The following MAGEB2 variants were observed in gnomAD, a reference collection of about 807,000 sequenced individuals.
MAGEB2 encodes the protein MAGE family member B2, also known as melanoma-associated antigen B2.
For missense variants in MAGEB2, 365 were observed against 243.2 expected (o/e 1.50, Z -3.33); for synonymous variants, 107 against 96.2 (o/e 1.11, Z -0.66).
intron 1 of MAGEB2, among the ~76,000 whole-genome samples, chrX:30,217,415 C>T (rs1924433732): frequency 9.0e-6 from 1 of 111,352 alleles, no homozygotes; most frequent in Non-Finnish European, 1.9e-5. Context: ...GAGAAGTCAT[C>T]GTTAAGGGGA....
chrX:30,219,096 C>T lies in MAGEB2; in HGVS notation c.516C>T (p.Asn172=), dbSNP rs1924489357. 7.4e-6 allele frequency: 9 copies of T among 1,210,012 alleles called. No homozygotes were observed. The highest frequency in any genetic ancestry group is 1.0e-5 in the Non-Finnish European group (9 of 894,491). The change falls in exon 2 of 2, where the codon AAC becomes AAT. Residue 172 remains asparagine, a synonymous_variant. Transcript: ENST00000378988. ...TTGGCCTTGAGCTGAATAAAGTCAA[C>T]CCCAACGGCCACACTTACACCTTCA... ...VVFGLELNKV[N]PNGHTYTFID...
rs377141601 is a variant in MAGEB2, at chrX:30,219,452, T to G, written c.872T>G (p.Phe291Cys). 162 of 1,209,541 alleles carry G rather than the reference T, an allele frequency of 1.3e-4. No homozygotes were observed. Among genetic ancestry groups the G allele is most frequent in the Non-Finnish European group, 1.5e-4 (133 of 894,819 alleles). Reference protein sequence around the residue: ...AETSKMKVLEFLAKVNGTTPC... With the variant: ...AETSKMKVLECLAKVNGTTPC... Reference sequence around the variant, plus strand: ...ACCAGCAAGATGAAAGTCCTGGAGTTTTTGGCCAAGGTAAATGGTACCACC... The same window carrying G: ...ACCAGCAAGATGAAAGTCCTGGAGTGTTTGGCCAAGGTAAATGGTACCACC... Residue 291 changes from phenylalanine (F) to cysteine (C), a missense_variant, in exon 2 of 2, where the codon TTT becomes TGT. Phe to Cys is a radical substitution (Grantham distance 205). Transcript: ENST00000378988.
intron 1 of MAGEB2, among the ~76,000 whole-genome samples, chrX:30,216,903 A>AG (rs1459711692): frequency 5.6e-5 from 6 of 106,838 alleles, no homozygotes; most frequent in African/African-American, 2.0e-4. Context: ...AAAAAAAAAA[A>AG]AGGCAGCTTG....
At position 30,218,928 on chromosome X, in the gene MAGEB2, GT is replaced by G; in HGVS notation, c.349del (p.Ser117ArgfsTer12). 8.3e-7 allele frequency: 1 copy of G among 1,210,983 alleles called. No individual in the cohort carries two copies. The highest frequency in any genetic ancestry group is 1.1e-6 in the Non-Finnish European group (1 of 894,906). On this transcript the variant is annotated frameshift_variant, in exon 2 of 2. Transcript: ENST00000378988. LOFTEE classifies it low-confidence loss of function (END_TRUNC). ...AAGATCCTCTAACCAGGAAGTCAGG[GT>G]CGTTGGTGCAGTTCCTGTTGTACAA... ...SEDPLTRKSG[S>X]LVQFLLYKYK...
rs1278361862 is a variant in MAGEB2 at position 30,216,885 on chromosome X, T to TAAAAAAAAAAA, written c.-6+1230_-6+1231insAAAAAAAAAAA. ...AGGCGAAAGGGCGAGACTCCGTCTC[T>TAAAAAAAAAAA]TAAAAAAAAAAAAAAAAAAGGCAGC... On this transcript the variant is annotated intron_variant, in intron 1 of 1. Coordinates refer to ENST00000378988, the MANE Select transcript of MAGEB2 (RefSeq NM_002364.5). Among the ~76,000 whole-genome samples, 62 of 89,308 alleles carry TAAAAAAAAAAA rather than the reference T, an allele frequency of 6.9e-4. 3 individuals are homozygous for TAAAAAAAAAAA. The highest frequency in any genetic ancestry group is 2.1e-3 in the African/African-American group (47 of 22,287). The allele number at this position is 89,308 out of a possible 115,157, so 77.6% of individuals were successfully genotyped here. A position where few individuals can be genotyped will look rare whatever the true frequency, so the allele number is the denominator to read the frequency against.
rs148432603 is a variant in MAGEB2 at position 30,219,400 on chromosome X, C to A, written c.820C>A (p.Leu274Met). The A allele has an allele frequency of 2.4e-5, 29 of 1,211,722 alleles. No homozygotes were observed. The highest frequency in any genetic ancestry group is 2.8e-5 in the Non-Finnish European group (25 of 895,292). The change falls in exon 2 of 2, where the codon CTG becomes ATG. Residue 274 changes from leucine to methionine, a missense_variant. Physicochemically the swap from Leu to Met is conservative, Grantham distance 15 (BLOSUM62 2). Transcript: ENST00000378988. ...CAGTGATCCCCCACGCTTTCAATTC[C>A]TGTGGGGTCCGAGAGCCTATGCTGA... ...PSSDPPRFQF[L>M]WGPRAYAETS...
chrX:30,219,617 A>G lies in MAGEB2; in HGVS notation c.*77A>G, dbSNP rs1392281373. Reference sequence around the variant, plus strand: ...AAAGCCAAGTTTACCTGCTGTTCTCACCCCCAATGAGGTCTTAGGCAGATT... The same window carrying G: ...AAAGCCAAGTTTACCTGCTGTTCTCGCCCCCAATGAGGTCTTAGGCAGATT... On this transcript the variant is annotated 3_prime_UTR_variant, in exon 2 of 2. Coordinates refer to ENST00000378988, the MANE Select transcript of MAGEB2 (RefSeq NM_002364.5). 1.1e-5 allele frequency: 10 copies of G among 933,559 alleles called. No homozygotes were observed. The highest frequency in any genetic ancestry group is 1.5e-5 in the Non-Finnish European group (10 of 680,384). The allele number at this position is 933,559 out of a possible 1,213,427, so 76.9% of individuals were successfully genotyped here. A position where few individuals can be genotyped will look rare whatever the true frequency, so the allele number is the denominator to read the frequency against.
Position 30,219,300 on chromosome X carries a change from C to G in MAGEB2, c.720C>G (p.Val240=). ...TCTATGATGGAGAGGAGCACTCAGT[C>G]TTTGGGGAACCCTGGAAGCTCATCA... ...LGVYDGEEHS[V]FGEPWKLITK... The change falls in exon 2 of 2, where the codon GTC becomes GTG. Residue 240 remains valine, a synonymous_variant. Coordinates refer to ENST00000378988, the MANE Select transcript of MAGEB2 (RefSeq NM_002364.5). 8.3e-7 allele frequency: 1 copy of G among 1,211,577 alleles called. No individual in the cohort carries two copies. The highest frequency in any genetic ancestry group is 1.7e-5 in the African/African-American group (1 of 57,785).
intron 1 of MAGEB2, among the ~76,000 whole-genome samples, chrX:30,218,155 A>G (rs1400833016): frequency 8.9e-6 from 1 of 112,051 alleles, no homozygotes; most frequent in East Asian, 2.8e-4. Context: ...CATGAGTCCC[A>G]GGGTGCTTTG....
chrX:30,216,342 C>G (rs182954863), intron 1 of MAGEB2, among the ~76,000 whole-genome samples: 63 of 110,524 alleles, frequency 5.7e-4, no homozygotes, highest in Non-Finnish European at 1.1e-3. Flanking sequence ...TCTCTAGTTT[C>G]CTCTGGAGGT....
At position 30,219,627 on chromosome X, in the gene MAGEB2, A is replaced by C; in HGVS notation, c.*87A>C. ...TTACCTGCTGTTCTCACCCCCAATG[A>C]GGTCTTAGGCAGATTCTTTACTTTG... On this transcript the variant is annotated 3_prime_UTR_variant, in exon 2 of 2. Transcript: ENST00000378988. 1.2e-6 allele frequency: 1 copy of C among 862,686 alleles called. No homozygotes were observed. Among genetic ancestry groups the C allele is most frequent in the East Asian group, 3.1e-5 (1 of 31,811 alleles). The allele number at this position is 862,686 out of a possible 1,213,427, so 71.1% of individuals were successfully genotyped here. A position where few individuals can be genotyped will look rare whatever the true frequency, so the allele number is the denominator to read the frequency against.
chrX:30,217,773 C>A (rs974116694), intron 1 of MAGEB2, among the ~76,000 whole-genome samples: 2 of 112,161 alleles, frequency 1.8e-5, no homozygotes, highest in African/African-American at 6.5e-5. Flanking sequence ...AAAAGGAGAG[C>A]TCCTCTACCA....
Position 30,219,164 on chromosome X carries a change from C to A in MAGEB2, c.584C>A (p.Ser195Tyr). 2.5e-6 allele frequency: 3 copies of A among 1,210,725 alleles called. No individual in the cohort carries two copies. The highest frequency in any genetic ancestry group is 3.4e-6 in the Non-Finnish European group (3 of 895,027). ...ACTGATGAGGAATCCCTGCTCAGTT[C>A]CTGGGACTTTCCCAGGAGAAAGCTT... ...DLTDEESLLS[S>Y]WDFPRRKLLM... The change falls in exon 2 of 2, where the codon TCC becomes TAC. Residue 195 changes from serine (S) to tyrosine (Y), a missense_variant. Ser to Tyr is a moderately radical substitution (Grantham distance 144, BLOSUM62 -2). Coordinates refer to ENST00000378988, the MANE Select transcript of MAGEB2 (RefSeq NM_002364.5).
At chrX:30,216,794 A>C (rs1404159028) in intron 1 of MAGEB2, among the ~76,000 whole-genome samples, 1 of 106,262 alleles carries the variant, frequency 9.4e-6, no homozygotes, top group African/African-American at 3.5e-5. Flanking sequence ...CTGAGGCAGG[A>C]GAATGGTGTG....
In MAGEB2 at chrX:30,219,172, T is replaced by C; in HGVS notation, c.592T>C (p.Phe198Leu). ...DEESLLSSWD[F>L]PRRKLLMPLL... Reference sequence around the variant, plus strand: ...GGAATCCCTGCTCAGTTCCTGGGACTTTCCCAGGAGAAAGCTTCTGATGCC... The same window carrying C: ...GGAATCCCTGCTCAGTTCCTGGGACCTTCCCAGGAGAAAGCTTCTGATGCC... The change falls in exon 2 of 2, where the codon TTT (phenylalanine) becomes CTT (leucine). Residue 198 changes from phenylalanine to leucine, a missense_variant. Phe to Leu is a conservative substitution (Grantham distance 22). Transcript: ENST00000378988. 3.3e-6 allele frequency: 4 copies of C among 1,210,557 alleles called. No individual in the cohort carries two copies. The highest frequency in any genetic ancestry group is 4.5e-6 in the Non-Finnish European group (4 of 894,813).
rs757368435 is a variant in MAGEB2 at position 30,218,901 on chromosome X, C to T, written c.321C>T (p.Ser107=). ...SQASTSTKSP[S]EDPLTRKSGS... Reference sequence around the variant, plus strand: ...CCTCAACATCCACTAAGAGCCCAAGCGAAGATCCTCTAACCAGGAAGTCAG... The same window carrying T: ...CCTCAACATCCACTAAGAGCCCAAGTGAAGATCCTCTAACCAGGAAGTCAG... The change falls in exon 2 of 2, where the codon AGC becomes AGT. Residue 107 remains serine, a synonymous_variant. Coordinates refer to ENST00000378988, the MANE Select transcript of MAGEB2 (RefSeq NM_002364.5). 6 of 1,208,371 alleles carry T rather than the reference C, an allele frequency of 5.0e-6. No homozygotes were observed. Among genetic ancestry groups the T allele is most frequent in the South Asian group, 1.8e-5 (1 of 56,232 alleles).
At chrX:30,216,453 G>T (rs1267918317) in intron 1 of MAGEB2, among the ~76,000 whole-genome samples, 1 of 111,443 alleles carries the variant, frequency 9.0e-6, no homozygotes, top group Non-Finnish European at 1.9e-5. Flanking sequence ...TGAGTGATGA[G>T]GAGGGGACTC....
At position 30,219,219 on chromosome X, in the gene MAGEB2, A is replaced by G; in HGVS notation, c.639A>G (p.Leu213=). Reference sequence around the variant, plus strand: ...TGCCTCTCCTGGGTGTGATCTTCTTAAATGGCAACTCAGCTACTGAGGAAG... The same window carrying G: ...TGCCTCTCCTGGGTGTGATCTTCTTGAATGGCAACTCAGCTACTGAGGAAG... ...LLMPLLGVIF[L]NGNSATEEEI... is the part of the protein sequence containing the mutation. The change falls in exon 2 of 2, where the codon TTA becomes TTG. Residue 213 remains leucine, a synonymous_variant. Transcript: ENST00000378988. 2.5e-6 allele frequency: 3 copies of G among 1,211,137 alleles called. No individual in the cohort carries two copies. The highest frequency in any genetic ancestry group is 3.4e-6 in the Non-Finnish European group (3 of 894,982).
At chrX:30,215,847 G>A (rs1304635263) in intron 1 of MAGEB2, among the ~76,000 whole-genome samples, 192 bp downstream of exon 1, 1 of 111,220 alleles carries the variant, frequency 9.0e-6, no homozygotes, top group African/African-American at 3.3e-5. Context: ...TTGGACGCAG[G>A]GAATAGGCCT....
Sources: allele counts gnomAD v4.1 joint callset (sites outside exome capture counted in the v4.1 genomes callset), GRCh38; gene constraint gnomAD v4.1.1; transcripts MANE v1.5; gene names NCBI Gene and HGNC (gene_info 2026-07-23, HGNC 2026-07-21).